Variants in GSG1L observed in about 807,000 individuals in gnomAD.
GSG1L encodes the protein germ cell-specific gene 1-like protein.
GSG1L carries 24 observed loss-of-function variants against 42.1 expected under a neutral mutation model. That is an observed-to-expected ratio of 0.57 (90% CI 0.41 to 0.80). The LOEUF (loss-of-function observed/expected upper bound fraction) is 0.80. GSG1L is among the 30% of genes least tolerant of loss of function. The pLI, the probability that GSG1L is intolerant of heterozygous loss-of-function variation, is 0.00. For missense variants in GSG1L, 445 were observed against 472.2 expected (o/e 0.94, Z 0.53); for synonymous variants, 215 against 203.5 (o/e 1.06, Z -0.48).
At chr16:27,796,008 G>T (rs2082814087) in intron 6 of GSG1L, among the ~76,000 whole-genome samples, 1 of 152,208 alleles carries the variant, frequency 6.6e-6, no homozygotes, top group Non-Finnish European at 1.5e-5. Context: ...CACCACAAAT[G>T]TACAGATCGG....
At chr16:27,792,877 T>A (rs980055079) in intron 6 of GSG1L, among the ~76,000 whole-genome samples, 10 of 152,230 alleles carry the variant, frequency 6.6e-5, no homozygotes, top group African/African-American at 1.9e-4. Flanking sequence ...GAGGTAGTTC[T>A]GCCCATTTTA....
chr16:27,953,237 G>A (rs751313538), intron 2 of GSG1L, among the ~76,000 whole-genome samples: 15 of 152,120 alleles, frequency 9.9e-5, no homozygotes, highest in South Asian at 2.1e-4. Context: ...GTACAGGTGC[G>A]TGCCACCACA....
Position 27,904,910 on chromosome 16 carries a change from G to A in GSG1L, c.398-20272C>T, listed in dbSNP as rs562828200. On this transcript the variant is annotated intron_variant, in intron 2 of 6. Transcript: ENST00000447459. ...CACATTCAGGGATGGTCACATCCCA[G>A]GAGAAGCCACAGCCGCAGCCGACAG... Among the ~76,000 whole-genome samples the A allele has an allele frequency of 2.6e-5, 4 of 152,338 alleles. No homozygotes were observed. The East Asian group carries it at 7.7e-4, about 29-fold the overall frequency.
At chr16:27,891,849 G>A (rs763555215) in intron 2 of GSG1L, among the ~76,000 whole-genome samples, 46 of 138,184 alleles carry the variant, frequency 3.3e-4, no homozygotes, top group Non-Finnish European at 6.3e-4. Flanking sequence ...CTATTTGGGG[G>A]ATTCTGTTTT....
In GSG1L at chr16:28,046,341, CTTTTTTTTTTTTTTT is replaced by C. The variant is rs201480876; in HGVS notation, c.349+16720_349+16734del. 7.1e-4 allele frequency among the ~76,000 whole-genome samples: 54 copies of C among 76,034 alleles called. 1 individual carries two copies. Among genetic ancestry groups the C allele is most frequent in the Non-Finnish European group, 1.0e-3 (44 of 44,084 alleles). The allele number at this position is 76,034 out of a possible 152,430, so 49.9% of individuals were successfully genotyped here. On this transcript the variant is annotated intron_variant, in intron 1 of 6. Coordinates refer to ENST00000447459, the MANE Select transcript of GSG1L (RefSeq NM_001109763.2). Reference sequence around the variant, plus strand: ...ACATGCATTGAGGAGGAAGTCCACTCTTTTTTTTTTTTTTTTTTTTTTTTTTTTCTGAGACGGAGT... The same window carrying C: ...ACATGCATTGAGGAGGAAGTCCACTCTTTTTTTTTTTTTCTGAGACGGAGT...
chr16:27,861,964 G>A (rs747470285), intron 3 of GSG1L, among the ~76,000 whole-genome samples: 1 of 152,070 alleles, frequency 6.6e-6, no homozygotes, highest in African/African-American at 2.4e-5. Flanking sequence ...TAGTGGTCTC[G>A]ACTCTCTCAG....
intron 2 of GSG1L, among the ~76,000 whole-genome samples, chr16:27,947,392 GAAA>G (rs1567530548): frequency 1.2e-5 from 1 of 86,832 alleles, no homozygotes; most frequent in African/African-American, 4.6e-5. Flanking sequence ...GAAAAAGAAA[GAAA>G]GAAAGAAAGA....
At chr16:27,859,662 T>C (rs552378164) in intron 3 of GSG1L, among the ~76,000 whole-genome samples, 33 of 152,190 alleles carry the variant, frequency 2.2e-4, no homozygotes, top group Non-Finnish European at 4.9e-4. Context: ...TCTATCCCTC[T>C]TTATTTATTC....
chr16:27,958,428 G>T (rs71377617), intron 2 of GSG1L, among the ~76,000 whole-genome samples: 1 of 123,880 alleles, frequency 8.1e-6, no homozygotes. Context: ...AAAAAAAAAA[G>T]AAAAGAAAAC....
At chr16:27,860,782 C>T (rs941054277) in intron 3 of GSG1L, among the ~76,000 whole-genome samples, 1 of 152,190 alleles carries the variant, frequency 6.6e-6, no homozygotes, top group African/African-American at 2.4e-5. Flanking sequence ...GAAACCAGGA[C>T]AGGACGCCAG....
chr16:27,856,083 T>C (rs765752624), intron 3 of GSG1L, among the ~76,000 whole-genome samples: 12 of 152,242 alleles, frequency 7.9e-5, no homozygotes, highest in Non-Finnish European at 1.6e-4. Flanking sequence ...GGCTTTGATG[T>C]CAGGGCTGTC....
chr16:27,938,653 C>G (rs2084748514), intron 2 of GSG1L, among the ~76,000 whole-genome samples: 1 of 152,210 alleles, frequency 6.6e-6, no homozygotes, highest in African/African-American at 2.4e-5. Context: ...ACTGAGCTGG[C>G]AAAAACCTCT....
chr16:27,842,462 A>G (rs1360876236), intron 4 of GSG1L, among the ~76,000 whole-genome samples: 2 of 152,218 alleles, frequency 1.3e-5, no homozygotes, highest in African/African-American at 4.8e-5. Flanking sequence ...TACCTGATTC[A>G]TGGCACATCA....
At chr16:27,849,664 A>T (rs1019692133) in intron 3 of GSG1L, among the ~76,000 whole-genome samples, 4 of 152,172 alleles carry the variant, frequency 2.6e-5, no homozygotes, top group Non-Finnish European at 5.9e-5. Context: ...CTGGGACTAA[A>T]GGTGCATGCC....
At chr16:28,008,100 A>G (rs1448266823) in intron 1 of GSG1L, among the ~76,000 whole-genome samples, 5 of 151,838 alleles carry the variant, frequency 3.3e-5, no homozygotes, top group Admixed American at 3.3e-4. Flanking sequence ...TTGTTTTTTT[A>G]GAGATTGAGT....
intron 1 of GSG1L, among the ~76,000 whole-genome samples, chr16:27,970,235 TTTG>T (rs1293625389): frequency 5.3e-5 from 8 of 151,790 alleles, no homozygotes; most frequent in Non-Finnish European, 1.2e-4. Context: ...CTATTTTTCT[TTTG>T]TTGCTTGTGC....
rs1319696832 is a variant in GSG1L at position 27,963,141 on chromosome 16, T to A, written c.397+15A>T. The A allele has an allele frequency of 1.2e-6, 2 of 1,610,660 alleles. No individual in the cohort carries two copies. The highest frequency in any genetic ancestry group is 1.7e-5 in the Admixed American group (1 of 59,996). On this transcript the variant is annotated intron_variant, in intron 2 of 6. Coordinates refer to ENST00000447459, the MANE Select transcript of GSG1L (RefSeq NM_001109763.2). ...GAGAGCAGAGCTGCCACAGCTCAGC[T>A]GGGGTCACACTCACCTTTCTCCGAT...
At chr16:27,991,561 C>G (rs376194122) in intron 1 of GSG1L, among the ~76,000 whole-genome samples, 2 of 151,580 alleles carry the variant, frequency 1.3e-5, no homozygotes, top group Non-Finnish European at 2.9e-5. Context: ...TGCACCACCA[C>G]GCCTGGCTAA....
At chr16:27,888,939 TATAGATATAG>T (rs773130917) in intron 2 of GSG1L, among the ~76,000 whole-genome samples, 1 of 100,808 alleles carries the variant, frequency 9.9e-6, no homozygotes, top group Non-Finnish European at 2.2e-5. Context: ...TAGATATAGA[TATAGATATAG>T]ATATAGATAT....
Sources: gnomAD v4.1 joint callset for allele counts (sites outside exome capture counted in the v4.1 genomes callset) on GRCh38, gnomAD v4.1.1 for gene constraint, MANE v1.5 for transcripts, NCBI Gene and HGNC (gene_info 2026-07-23, HGNC 2026-07-21) for gene names.